The following EPM2A variants were observed in gnomAD, a reference collection of about 807,000 sequenced individuals.
The protein encoded by EPM2A is EPM2A glucan phosphatase, laforin.
A neutral mutation model predicts 26.5 loss-of-function variants in EPM2A; 21 were observed. That is an observed-to-expected ratio of 0.79 (90% CI 0.56 to 1.14). The LOEUF is 1.14. Among genes scored for constraint, EPM2A ranks in the 50% most tolerant of loss-of-function variants. The pLI is 0.00. For missense variants in EPM2A, 458 were observed against 440.8 expected (o/e 1.04, Z -0.35); for synonymous variants, 217 against 177.6 (o/e 1.22, Z -1.76).
chr6:145,616,505 C>T (rs1243812121), intron 2 of EPM2A, among the ~76,000 whole-genome samples: 1 of 152,246 alleles, frequency 6.6e-6, no homozygotes, highest in African/African-American at 2.4e-5. Flanking sequence ...TACTGGGGCA[C>T]TGCCTAGTGG....
At chr6:145,475,425 G>T (rs1779530081) in intron 4 of EPM2A, among the ~76,000 whole-genome samples, 1 of 152,054 alleles carries the variant, frequency 6.6e-6, no homozygotes, top group African/African-American at 2.4e-5. Context: ...AGAACACATG[G>T]ACACATGGAG....
intron 4 of EPM2A, among the ~76,000 whole-genome samples, chr6:145,459,531 A>G (rs1327718398): frequency 6.6e-6 from 1 of 152,200 alleles, no homozygotes; most frequent in East Asian, 1.9e-4. Flanking sequence ...GACTGTTTAA[A>G]AAGGTCATAA....
chr6:145,486,560 T>C (rs1010619642), intron 4 of EPM2A, among the ~76,000 whole-genome samples: 14 of 152,176 alleles, frequency 9.2e-5, no homozygotes, highest in Non-Finnish European at 2.1e-4. Context: ...TCATCCTACA[T>C]AGTTTCTACT....
At chr6:145,483,124 CTTTT>C in intron 4 of EPM2A, among the ~76,000 whole-genome samples, 1 of 150,818 alleles carries the variant, frequency 6.6e-6, no homozygotes, top group African/African-American at 2.4e-5. Flanking sequence ...AAGTTTCTTT[CTTTT>C]TTTTTATTTT....
chr6:145,479,262 C>T (rs766615336), intron 4 of EPM2A, among the ~76,000 whole-genome samples: 1 of 145,514 alleles, frequency 6.9e-6, no homozygotes. Context: ...GCCAATTAGC[C>T]ATTTTAACTA....
At chr6:145,592,894 A>G (rs1327045549) in intron 2 of EPM2A, among the ~76,000 whole-genome samples, 1 of 152,224 alleles carries the variant, frequency 6.6e-6, no homozygotes, top group African/African-American at 2.4e-5. Context: ...TAAAAGATAT[A>G]AATAACAAGC....
chr6:145,563,682 G>T (rs2114817279), intron 2 of EPM2A, among the ~76,000 whole-genome samples: 1 of 152,224 alleles, frequency 6.6e-6, no homozygotes, highest in Admixed American at 6.5e-5. Flanking sequence ...TTTATTTTGA[G>T]ATTGTGTACC....
chr6:145,516,200 T>C (rs895077963), intron 2 of EPM2A, among the ~76,000 whole-genome samples: 1 of 152,180 alleles, frequency 6.6e-6, no homozygotes, highest in Non-Finnish European at 1.5e-5. Context: ...AACATATGGA[T>C]AGAACTTTGA....
chr6:145,488,672 T>A (rs1383812131), intron 4 of EPM2A, among the ~76,000 whole-genome samples: 1 of 152,038 alleles, frequency 6.6e-6, no homozygotes, highest in Non-Finnish European at 1.5e-5. Context: ...CATTAAGGAT[T>A]GGGGGAAAAG....
intron 4 of EPM2A, among the ~76,000 whole-genome samples, chr6:145,451,662 T>C (rs910851850): frequency 1.3e-5 from 2 of 152,234 alleles, no homozygotes; most frequent in African/African-American, 4.8e-5. Context: ...TGTAAATCAA[T>C]ATCAATATTG....
chr6:145,487,205 G>A (rs1779689514), intron 4 of EPM2A, among the ~76,000 whole-genome samples: 2 of 152,126 alleles, frequency 1.3e-5, no homozygotes, highest in Admixed American at 6.6e-5. Flanking sequence ...TATTCCATGG[G>A]TTATATGTAC....
At chr6:145,502,916 A>G (rs1183567892) in intron 2 of EPM2A, among the ~76,000 whole-genome samples, 1 of 152,234 alleles carries the variant, frequency 6.6e-6, no homozygotes, top group African/African-American at 2.4e-5. Flanking sequence ...CATGATGAAT[A>G]CATATTAAGA....
intron 1 of EPM2A, among the ~76,000 whole-genome samples, chr6:145,710,808 C>A (rs1419916000): frequency 6.6e-6 from 1 of 152,068 alleles, no homozygotes; most frequent in East Asian, 1.9e-4. Context: ...ATAATGAGTT[C>A]ATGTCCTTTG....
At chr6:145,472,248 T>G (rs1422387150) in intron 4 of EPM2A, among the ~76,000 whole-genome samples, 2 of 151,586 alleles carry the variant, frequency 1.3e-5, no homozygotes, top group African/African-American at 2.4e-5. Context: ...GGGCCCTGAG[T>G]AACCAGCAGT....
Position 145,475,344 on chromosome 6 carries a change from T to C in EPM2A, c.555+27178A>G, listed in dbSNP as rs557859808. ...ACATGGGTGAAGCTGGAAACCATCA[T>C]ACTCAGCAAACAACAGGAACAGAAA... is the stretch of plus-strand genomic sequence containing the variant. On this transcript the variant is annotated intron_variant, in intron 4 of 4. Coordinates refer to the EPM2A transcript ENST00000638717. Among the ~76,000 whole-genome samples, 753 of 152,264 alleles carry C rather than the reference T, an allele frequency of 4.9e-3. 12 individuals carry two copies. The highest frequency in any genetic ancestry group is 0.017 in the African/African-American group (700 of 41,560).
chr6:145,404,206 T>G lies in EPM2A; in HGVS notation c.556-20109A>C, dbSNP rs151126008. Among the ~76,000 whole-genome samples the G allele has an allele frequency of 2.8e-3, 432 of 152,238 alleles. 1 individual carries two copies. The highest frequency in any genetic ancestry group is 4.7e-3 in the Admixed American group (71 of 15,268). ...GGTAGTTTGCAAATATTTTCTCCCA[T>G]TCTGTGGATTGTCTCTTTGTTATTT... On this transcript the variant is annotated intron_variant, in intron 4 of 4. Transcript: ENST00000638717.
intron 2 of EPM2A, among the ~76,000 whole-genome samples, chr6:145,672,717 T>C (rs987250387): frequency 3.3e-5 from 5 of 152,086 alleles, no homozygotes; most frequent in Admixed American, 3.3e-4. Flanking sequence ...AACATCACAA[T>C]AAAAACAGAG....
In EPM2A at chr6:145,468,469, TATAA is replaced by T. The variant is rs570225817; in HGVS notation, c.555+34049_555+34052del. Among the ~76,000 whole-genome samples, 622 of 152,218 alleles carry T rather than the reference TATAA, an allele frequency of 4.1e-3. 6 individuals carry two copies. The highest frequency in any genetic ancestry group is 0.014 in the African/African-American group (597 of 41,560). ...TTATTCCATATTATATTTTATCTCA[TATAA>T]ATAGATACAAATGGATATATAACAA... On this transcript the variant is annotated intron_variant, in intron 4 of 4. Transcript: ENST00000638717.
intron 1 of EPM2A, 28 bp from the exon 2 acceptor site, chr6:145,686,324 G>C (rs775888157): frequency 1.3e-6 from 2 of 1,584,262 alleles, no homozygotes; most frequent in Non-Finnish European, 1.7e-6. Context: ...GATAAACAGA[G>C]CAATTAAATC....
Sources: allele counts gnomAD v4.1 joint callset (sites outside exome capture counted in the v4.1 genomes callset), GRCh38; gene constraint gnomAD v4.1.1; transcripts MANE v1.5; gene names NCBI Gene and HGNC (gene_info 2026-07-23, HGNC 2026-07-21).